FRYL: variants seen among roughly 807,000 people sequenced by gnomAD.
FRYL encodes the protein protein furry homolog-like.
FRYL carries 150 observed loss-of-function variants against 351.2 expected under a neutral mutation model. That is an observed-to-expected ratio of 0.43 (90% CI 0.37 to 0.49). The LOEUF (loss-of-function observed/expected upper bound fraction) is 0.49, where lower values mean the gene tolerates loss of function less well. Among genes scored for constraint, FRYL ranks in the 20% least tolerant of loss-of-function variants. The pLI is 0.00. For synonymous variants in FRYL, 1,153 were observed against 1,257.1 expected, an observed-to-expected ratio of 0.92 and a Z score of 1.75; for missense variants, 3,036 against 3,619.3, an observed-to-expected ratio of 0.84 and a Z score of 4.13.
chr4:48,653,885 T>C, intron 3 of FRYL: 1 of 1,273,462 alleles, frequency 7.9e-7, no homozygotes, highest in Non-Finnish European at 1.0e-6. Context: ...TCCAAGCCGC[T>C]GTCCCTTCTC....
chr4:48,500,693 G>C (rs1719377906), intron 62 of FRYL, among the ~76,000 whole-genome samples: 1 of 152,138 alleles, frequency 6.6e-6, no homozygotes, highest in Non-Finnish European at 1.5e-5. Flanking sequence ...ATGACAAGGG[G>C]GGGAAAAGAC....
intron 1 of FRYL, among the ~76,000 whole-genome samples, chr4:48,778,260 T>A (rs980797238): frequency 2.0e-5 from 3 of 152,038 alleles, no homozygotes; most frequent in African/African-American, 7.3e-5. Context: ...GAATTTACAA[T>A]GTTCCACACC....
intron 47 of FRYL, among the ~76,000 whole-genome samples, chr4:48,539,568 ACTGT>A (rs916109327): frequency 2.0e-5 from 3 of 152,066 alleles, no homozygotes; most frequent in Admixed American, 6.6e-5. Flanking sequence ...CTCTCTGATT[ACTGT>A]CTATTTACTT....
chr4:48,746,124 G>A (rs545165006), intron 1 of FRYL, among the ~76,000 whole-genome samples: 1 of 152,322 alleles, frequency 6.6e-6, no homozygotes, highest in African/African-American at 2.4e-5. Context: ...CTCCGTGCGT[G>A]AACAGCAAAG....
At chr4:48,776,795 A>T (rs1776071210) in intron 1 of FRYL, among the ~76,000 whole-genome samples, 1 of 152,228 alleles carries the variant, frequency 6.6e-6, no homozygotes, top group African/African-American at 2.4e-5. Flanking sequence ...TCGAGTAGAC[A>T]ACATATACCT....
At chr4:48,642,769 T>A (rs1464593949) in intron 3 of FRYL, among the ~76,000 whole-genome samples, 13 of 152,240 alleles carry the variant, frequency 8.5e-5, no homozygotes, top group Admixed American at 4.6e-4. Flanking sequence ...TTTCTTGTGC[T>A]TTTTTGGTAA....
At chr4:48,612,217 C>T (rs1748345051) in intron 7 of FRYL, among the ~76,000 whole-genome samples, 1 of 151,922 alleles carries the variant, frequency 6.6e-6, no homozygotes, top group African/African-American at 2.4e-5. Flanking sequence ...GGTATATATT[C>T]CAGTCTGTAC....
intron 2 of FRYL, among the ~76,000 whole-genome samples, chr4:48,688,055 A>T (rs1765334977): frequency 6.6e-6 from 1 of 152,192 alleles, no homozygotes; most frequent in African/African-American, 2.4e-5. Flanking sequence ...CCAAGCTCAA[A>T]ACTCTAAATC....
rs567828465 is a variant in FRYL at position 48,507,708 on chromosome 4, A to T, written c.8395-2093T>A. Among the ~76,000 whole-genome samples, 5 of 151,268 alleles carry T rather than the reference A, an allele frequency of 3.3e-5. No homozygotes were observed. In the East Asian group the frequency reaches 9.7e-4, roughly 29 times the overall value. On this transcript the variant is annotated intron_variant, in intron 59 of 63. Coordinates refer to ENST00000358350, the MANE Select transcript of FRYL (RefSeq NM_015030.2). ...GGCTGGGAAAACAGTTTTCAAAGAT[A>T]GATAGATGATAGATAGATAGATAGA...
chr4:48,747,658 G>C (rs565418428), intron 1 of FRYL, among the ~76,000 whole-genome samples: 1 of 152,298 alleles, frequency 6.6e-6, no homozygotes, highest in South Asian at 2.1e-4. Flanking sequence ...ACAAGGTAGA[G>C]TTCTACCTCA....
At chr4:48,724,307 C>T (rs1769833445) in intron 1 of FRYL, among the ~76,000 whole-genome samples, 2 of 151,990 alleles carry the variant, frequency 1.3e-5, no homozygotes, top group African/African-American at 4.8e-5. Context: ...TCCTGCTATC[C>T]CTCAAACTCA....
chr4:48,641,815 A>C (rs951626264), intron 3 of FRYL, among the ~76,000 whole-genome samples: 2 of 152,184 alleles, frequency 1.3e-5, no homozygotes, highest in Non-Finnish European at 2.9e-5. Context: ...AATATTTCCC[A>C]AATCTAATAT....
intron 58 of FRYL, among the ~76,000 whole-genome samples, chr4:48,510,470 A>G (rs1262068216): frequency 6.6e-6 from 1 of 152,208 alleles, no homozygotes; most frequent in Non-Finnish European, 1.5e-5. Flanking sequence ...TATATAATCT[A>G]GAAGTGTGCT....
At chr4:48,649,339 T>C (rs1757185003) in intron 3 of FRYL, among the ~76,000 whole-genome samples, 2 of 152,232 alleles carry the variant, frequency 1.3e-5, no homozygotes, top group Admixed American at 6.5e-5. Flanking sequence ...TAACATACCA[T>C]ATCTTATTCA....
chr4:48,682,452 A>G (rs1464528739), intron 3 of FRYL, among the ~76,000 whole-genome samples: 5 of 152,234 alleles, frequency 3.3e-5, no homozygotes, highest in Non-Finnish European at 7.3e-5. Context: ...CTGCACAGCC[A>G]AAGAAACTAT....
chr4:48,587,663 C>G (rs1401063821), intron 18 of FRYL, among the ~76,000 whole-genome samples: 2 of 152,078 alleles, frequency 1.3e-5, no homozygotes, highest in Non-Finnish European at 2.9e-5. Context: ...CCTGCCTCAG[C>G]CTCCCGAGTA....
At position 48,500,234 on chromosome 4, in the gene FRYL, A is replaced by T. The variant is rs746111141; in HGVS notation, c.8593-14T>A. The T allele has an allele frequency of 6.6e-7, 1 of 1,509,426 alleles. No individual in the cohort carries two copies. The highest frequency in any genetic ancestry group is 8.9e-7 in the Non-Finnish European group (1 of 1,122,264). 93.5% of individuals were successfully genotyped at this position (1,509,426 alleles called of 1,614,324 possible). A position where few individuals can be genotyped will look rare whatever the true frequency, so the allele number is the denominator to read the frequency against. ...CATGTTGATGACCTAAAACAAATAC[A>T]TCTTTAAGGATCTATTCGTATGTTT... On this transcript the variant is annotated splice_polypyrimidine_tract_variant and intron_variant, in intron 62 of 63. Transcript: ENST00000358350.
At chr4:48,763,940 G>A (rs1774679093) in intron 1 of FRYL, among the ~76,000 whole-genome samples, 1 of 152,136 alleles carries the variant, frequency 6.6e-6, no homozygotes, top group South Asian at 2.1e-4. Flanking sequence ...AGTATGAGGC[G>A]GGCGGCTCAC....
chr4:48,505,371 C>A, intron 60 of FRYL, 176 bp downstream of exon 60: 367 of 577,166 alleles, frequency 6.4e-4, no homozygotes, highest in Non-Finnish European at 7.5e-4. Flanking sequence ...GTGAATTTTT[C>A]ATTATGAAAC....
Sources: allele counts gnomAD v4.1 joint callset (sites outside exome capture counted in the v4.1 genomes callset), GRCh38; gene constraint gnomAD v4.1.1; transcripts MANE v1.5; gene names NCBI Gene and HGNC (gene_info 2026-07-23, HGNC 2026-07-21).